The following PEAK1 variants were observed in gnomAD, a reference collection of about 807,000 sequenced individuals.
PEAK1 encodes the protein inactive tyrosine-protein kinase PEAK1.
PEAK1 carries 54 observed loss-of-function variants against 124.7 expected under a neutral mutation model. The observed-to-expected ratio is 0.43, with a 90% CI of 0.35 to 0.54. The LOEUF (loss-of-function observed/expected upper bound fraction) is 0.54, where lower values mean the gene tolerates loss of function less well. PEAK1 is among the 20% of genes least tolerant of loss of function. PEAK1 has a pLI of 0.01. For synonymous variants in PEAK1, 719 were observed against 760.0 expected, an observed-to-expected ratio of 0.95 and a Z score of 0.89; for missense variants, 2,046 against 2,134.5, an observed-to-expected ratio of 0.96 and a Z score of 0.82.
At chr15:77,385,192 C>T (rs1426475018) in intron 1 of PEAK1, among the ~76,000 whole-genome samples, 1 of 152,058 alleles carries the variant, frequency 6.6e-6, no homozygotes, top group African/African-American at 2.4e-5. Context: ...AAGTATAACA[C>T]CATCATAAGG....
At chr15:77,293,111 A>G (rs1043682663) in intron 2 of PEAK1, among the ~76,000 whole-genome samples, 2 of 152,180 alleles carry the variant, frequency 1.3e-5, no homozygotes, top group African/African-American at 2.4e-5. Flanking sequence ...GCACCAAATC[A>G]TGTTGATTCT....
At chr15:77,394,193 A>G (rs1361424122) in intron 1 of PEAK1, among the ~76,000 whole-genome samples, 1 of 152,212 alleles carries the variant, frequency 6.6e-6, no homozygotes, top group East Asian at 1.9e-4. Flanking sequence ...ACCCAGGGCT[A>G]GGGAGACCTT....
rs977954201 is a variant in PEAK1, at chr15:77,175,907, A to G, written c.3137+2883T>C. 8.8e-4 allele frequency among the ~76,000 whole-genome samples: 134 copies of G among 152,200 alleles called. 2 individuals carry two copies. The East Asian group carries it at 0.014, about 16-fold the overall frequency. ...AGAAAATGTGGCACATATACACCAC[A>G]GAATACTATGCAGCCATAAAAAATG... On this transcript the variant is annotated intron_variant, in intron 7 of 9. Transcript: ENST00000682557.
intron 2 of PEAK1, among the ~76,000 whole-genome samples, chr15:77,293,480 C>A (rs1035951947): frequency 1.1e-4 from 17 of 152,166 alleles, no homozygotes; most frequent in African/African-American, 4.1e-4. Flanking sequence ...ACCCTTTACA[C>A]ATGTTAGTCC....
At chr15:77,335,624 G>A (rs777239525) in intron 2 of PEAK1, 14 of 619,056 alleles carry the variant, frequency 2.3e-5, no homozygotes, top group Non-Finnish European at 2.8e-5. Context: ...GACTACAGGC[G>A]TGCACTACCA....
chr15:77,298,691 T>G (rs911642029), intron 2 of PEAK1, among the ~76,000 whole-genome samples: 2 of 152,280 alleles, frequency 1.3e-5, no homozygotes, highest in Admixed American at 1.3e-4. Context: ...AGGATCATAG[T>G]TTAGGGGTAG....
chr15:77,277,919 T>C (rs2062423015), intron 5 of PEAK1, among the ~76,000 whole-genome samples: 1 of 152,176 alleles, frequency 6.6e-6, no homozygotes, highest in Non-Finnish European at 1.5e-5. Flanking sequence ...TATATGATAC[T>C]AGAATGGTGG....
chr15:77,278,592 AG>A, intron 5 of PEAK1: 1 of 505,206 alleles, frequency 2.0e-6, no homozygotes, highest in East Asian at 5.4e-5. Flanking sequence ...AAGCCTAAAA[AG>A]GTCCCTGCAA....
At chr15:77,385,214 T>G (rs866822693) in intron 1 of PEAK1, among the ~76,000 whole-genome samples, 1 of 152,170 alleles carries the variant, frequency 6.6e-6, no homozygotes, top group Non-Finnish European at 1.5e-5. Flanking sequence ...AGTTGAGTAA[T>G]GACAGAAGCC....
intron 2 of PEAK1, among the ~76,000 whole-genome samples, chr15:77,322,613 G>T (rs1258361967): frequency 1.3e-5 from 2 of 152,044 alleles, no homozygotes; most frequent in Non-Finnish European, 2.9e-5. Flanking sequence ...CCAATAACAG[G>T]CTCTGAAATT....
At chr15:77,368,031 G>A (rs1348343128) in intron 1 of PEAK1, among the ~76,000 whole-genome samples, 1 of 152,092 alleles carries the variant, frequency 6.6e-6, no homozygotes, top group Non-Finnish European at 1.5e-5. Context: ...TATAAAAACT[G>A]TTTGGATTCA....
intron 2 of PEAK1, chr15:77,356,004 A>G: frequency 2.2e-6 from 2 of 911,400 alleles, no homozygotes; most frequent in Non-Finnish European, 2.6e-6. Flanking sequence ...AAGAACTACT[A>G]AAGTTCTATT....
chr15:77,351,827 C>A (rs2067228953), intron 2 of PEAK1: 1 of 985,218 alleles, frequency 1.0e-6, no homozygotes, highest in African/African-American at 1.7e-5. Context: ...GGTGTGGTAA[C>A]AGTTTGAGTT....
In PEAK1 at chr15:77,323,201, C is replaced by T. The variant is rs1385987094; in HGVS notation, c.-602-36697G>A. On this transcript the variant is annotated intron_variant, in intron 2 of 9. Transcript: ENST00000682557. Reference sequence around the variant, plus strand: ...ATACTGAATGGGCAAAAACTGGAAGCGTTCCCTTTGAAAACTGGCACAAGA... The same window carrying T: ...ATACTGAATGGGCAAAAACTGGAAGTGTTCCCTTTGAAAACTGGCACAAGA... Among the ~76,000 whole-genome samples, 15 of 152,286 alleles carry T rather than the reference C, an allele frequency of 9.8e-5. 1 individual carries two copies. In the South Asian group the frequency reaches 2.9e-3, roughly 29 times the overall value.
chr15:77,136,867 G>A (rs1002211461), intron 8 of PEAK1, among the ~76,000 whole-genome samples: 17 of 152,164 alleles, frequency 1.1e-4, no homozygotes, highest in African/African-American at 4.1e-4. Context: ...GCATGTCAAC[G>A]GTCTTCACGG....
At chr15:77,172,377 T>C (rs1222252727) in intron 7 of PEAK1, among the ~76,000 whole-genome samples, 2 of 152,214 alleles carry the variant, frequency 1.3e-5, no homozygotes, top group African/African-American at 2.4e-5. Context: ...TAGGAAGCTG[T>C]TGAGGTCATG....
chr15:77,347,005 A>AG (rs922706282), intron 2 of PEAK1, among the ~76,000 whole-genome samples: 4 of 152,240 alleles, frequency 2.6e-5, no homozygotes, highest in Admixed American at 6.5e-5. Context: ...CTCTTTGAAG[A>AG]GGGGACATTT....
intron 5 of PEAK1, among the ~76,000 whole-genome samples, chr15:77,281,283 G>A (rs904532933): frequency 6.6e-6 from 1 of 152,064 alleles, no homozygotes; most frequent in African/African-American, 2.4e-5. Flanking sequence ...ATTTTTATAA[G>A]ACATGGTATT....
intron 2 of PEAK1, among the ~76,000 whole-genome samples, chr15:77,309,224 A>C (rs1298939609): frequency 6.6e-6 from 1 of 152,074 alleles, no homozygotes; most frequent in East Asian, 1.9e-4. Context: ...GAGTAAGATA[A>C]AGGAAAAGTA....
Sources: gnomAD v4.1 joint callset for allele counts (sites outside exome capture counted in the v4.1 genomes callset) on GRCh38, gnomAD v4.1.1 for gene constraint, MANE v1.5 for transcripts, NCBI Gene and HGNC (gene_info 2026-07-23, HGNC 2026-07-21) for gene names.